Variants in KCTD14 observed in about 807,000 individuals in gnomAD.
KCTD14 encodes the protein potassium channel tetramerization domain containing 14.
In KCTD14, 7 loss-of-function variants were observed where a neutral mutation model predicts 5.9. The observed-to-expected ratio is 1.19, with a 90% CI of 0.68 to 2.23. The LOEUF (loss-of-function observed/expected upper bound fraction) is 2.23, where lower values mean the gene tolerates loss of function less well. Ranked by LOEUF, KCTD14 falls within the 30% of genes most tolerant of loss-of-function variation. The pLI is 0.00. For missense variants in KCTD14, 342 were observed against 332.2 expected, an observed-to-expected ratio of 1.03 and a Z score of -0.23; for synonymous variants, 140 against 133.1, an observed-to-expected ratio of 1.05 and a Z score of -0.36.
upstream of KCTD14, among the ~76,000 whole-genome samples, chr11:78,026,753 A>G (rs1367410849): frequency 6.6e-6 from 1 of 152,152 alleles, no homozygotes; most frequent in East Asian, 1.9e-4. Flanking sequence ...TGGGCAGTGG[A>G]ATGAGATCCT....
Position 78,016,920 on chromosome 11 carries a change from C to A in KCTD14, c.441G>T (p.Glu147Asp). The change falls in exon 2 of 2, where the codon GAG (glutamate) becomes GAT (aspartate). Residue 147 changes from glutamate to aspartate, a missense_variant. Transcript: ENST00000353172. Reference sequence around the variant, plus strand: ...CCAGGCGCACCATGAGCTCCAGGTTCTCGCTGTAGCCCGGCACTTGCAGCA... The same window carrying A: ...CCAGGCGCACCATGAGCTCCAGGTTATCGCTGTAGCCCGGCACTTGCAGCA... Reference protein sequence around the residue: ...QFLLQVPGYSENLELMVRLAR... With the variant: ...QFLLQVPGYSDNLELMVRLAR... 6.2e-7 allele frequency: 1 copy of A among 1,614,260 alleles called. No individual in the cohort carries two copies. The highest frequency in any genetic ancestry group is 1.1e-5 in the South Asian group (1 of 91,088).
upstream of KCTD14, chr11:78,023,858 A>G (rs1387214543): frequency 1.3e-5 from 2 of 153,112 alleles, no homozygotes; most frequent in Non-Finnish European, 2.9e-5. Context: ...TCTATTCCCT[A>G]CAGTCCTAGG....
chr11:78,034,302 T>C (rs1370910998), intron 2 of KCTD14, among the ~76,000 whole-genome samples: 1 of 152,170 alleles, frequency 6.6e-6, no homozygotes. Context: ...TTTAAATTTT[T>C]TGTAGAGACG....
At chr11:78,042,157 C>G (rs1363871714) in intron 1 of KCTD14, among the ~76,000 whole-genome samples, 1 of 152,226 alleles carries the variant, frequency 6.6e-6, no homozygotes, top group African/African-American at 2.4e-5. Flanking sequence ...GGCTGACTGT[C>G]TTTGCTCATT....
intron 1 of KCTD14, among the ~76,000 whole-genome samples, chr11:78,042,236 G>A (rs1246000578): frequency 1.3e-5 from 2 of 152,178 alleles, no homozygotes; most frequent in East Asian, 1.9e-4. Flanking sequence ...GGCTGGACAC[G>A]GTGGCTTACT....
At chr11:78,031,912 AAGAGC>A (rs1257570828) in intron 2 of KCTD14, among the ~76,000 whole-genome samples, 1 of 152,228 alleles carries the variant, frequency 6.6e-6, no homozygotes. Flanking sequence ...AGACATGCTA[AAGAGC>A]CCATAGGTAA....
At chr11:78,035,463 C>A (rs1385434474) in intron 2 of KCTD14, among the ~76,000 whole-genome samples, 1 of 152,084 alleles carries the variant, frequency 6.6e-6, no homozygotes, top group East Asian at 1.9e-4. Flanking sequence ...GCTAACTGCC[C>A]CCTTCCTCAC....
At chr11:78,025,765 G>A (rs184975987), upstream of KCTD14, among the ~76,000 whole-genome samples, 81 of 152,256 alleles carry the variant, frequency 5.3e-4, 1 homozygote, top group Admixed American at 4.8e-3. Context: ...CTGTTTTGTG[G>A]GGTTGTTTTC....
chr11:78,030,843 T>C (rs545422910), intron 2 of KCTD14, among the ~76,000 whole-genome samples: 1 of 151,994 alleles, frequency 6.6e-6, no homozygotes, highest in African/African-American at 2.4e-5. Flanking sequence ...CATACAAGGC[T>C]CCCTCTGTGA....
At chr11:78,026,327 G>C (rs4945240), upstream of KCTD14, among the ~76,000 whole-genome samples, 112,131 of 151,864 alleles carry the variant, frequency 0.74, 42,341 homozygotes, top group Non-Finnish European at 0.81. Context: ...TCCCCGGCTA[G>C]GGCTACTAAG....
intron 2 of KCTD14, among the ~76,000 whole-genome samples, chr11:78,032,735 C>T (rs568013763): frequency 1.0e-4 from 14 of 137,686 alleles, no homozygotes; most frequent in African/African-American, 3.5e-4. Flanking sequence ...GACAGCATCT[C>T]AATTTGTCAC....
intron 2 of KCTD14, among the ~76,000 whole-genome samples, chr11:78,028,640 C>G (rs1857534370): frequency 6.8e-6 from 1 of 147,294 alleles, no homozygotes; most frequent in Non-Finnish European, 1.5e-5. Flanking sequence ...GGGGACGTGA[C>G]AAGTATATTG....
chr11:78,025,116 GTGTATATATATATATATATATATATA>G (rs1435646546), upstream of KCTD14, among the ~76,000 whole-genome samples: 1 of 68,558 alleles, frequency 1.5e-5, no homozygotes, highest in African/African-American at 6.1e-5. Flanking sequence ...GTGTGTGTGT[GTGTATATATATATATATATATATATA>G]TATATATATA....
intron 1 of KCTD14, among the ~76,000 whole-genome samples, chr11:78,043,533 T>C (rs1591199401): frequency 6.6e-6 from 1 of 152,102 alleles, no homozygotes. Flanking sequence ...AGTGAGGGGA[T>C]AGACTGAGAC....
At chr11:78,023,338 G>C, upstream of KCTD14, 1 of 1,329,094 alleles carries the variant, frequency 7.5e-7, no homozygotes, top group African/African-American at 1.4e-5. Context: ...GCTGAGCCAG[G>C]CGTGGCTTGC....
chr11:78,022,963 A>G, intron 1 of KCTD14, 197 bp downstream of exon 1: 1 of 556,880 alleles, frequency 1.8e-6, no homozygotes, highest in South Asian at 2.2e-5. Context: ...CCGAGGCGCG[A>G]AAGGAGAGTG....
chr11:78,026,481 G>A (rs1358839682), upstream of KCTD14, among the ~76,000 whole-genome samples: 1 of 151,970 alleles, frequency 6.6e-6, no homozygotes, highest in Admixed American at 6.6e-5. Context: ...GACATCAATT[G>A]GCTAGGCATC....
chr11:78,042,068 TA>T (rs552508371), intron 1 of KCTD14, among the ~76,000 whole-genome samples: 2 of 151,852 alleles, frequency 1.3e-5, no homozygotes, highest in Admixed American at 6.6e-5. Flanking sequence ...GGACCCCTGG[TA>T]AAAAAAACCA....
At chr11:78,020,501 G>A (rs1368229372) in intron 1 of KCTD14, among the ~76,000 whole-genome samples, 1 of 152,230 alleles carries the variant, frequency 6.6e-6, no homozygotes, top group East Asian at 1.9e-4. Flanking sequence ...AGAAAAATAA[G>A]CCCAGAACCT....
Sources: gnomAD v4.1 joint callset for allele counts (sites outside exome capture counted in the v4.1 genomes callset) on GRCh38, gnomAD v4.1.1 for gene constraint, MANE v1.5 for transcripts, NCBI Gene and HGNC (gene_info 2026-07-23, HGNC 2026-07-21) for gene names.